NYAP2: variants seen among roughly 807,000 people sequenced by gnomAD.
NYAP2 encodes the protein neuronal tyrosine-phosphorylated phosphoinositide-3-kinase adaptor 2, also known as neuronal tyrosine-phosphorylated phosphoinositide-3-kinase adapter 2.
A neutral mutation model predicts 50.4 loss-of-function variants in NYAP2; 23 were observed. That is an observed-to-expected ratio of 0.46 (90% CI 0.33 to 0.65). The LOEUF (loss-of-function observed/expected upper bound fraction) is 0.65, where lower values mean the gene tolerates loss of function less well. Among genes scored for constraint, NYAP2 ranks in the 30% least tolerant of loss-of-function variants. The pLI is 0.02. For missense variants in NYAP2, 885 were observed against 861.0 expected (o/e 1.03, Z -0.35); for synonymous variants, 394 against 365.2 (o/e 1.08, Z -0.90).
chr2:225,600,193 T>C (rs553847749), intron 5 of NYAP2, among the ~76,000 whole-genome samples: 1 of 152,170 alleles, frequency 6.6e-6, no homozygotes, highest in African/African-American at 2.4e-5. Flanking sequence ...GATGAAATCA[T>C]AGGGAGTTGA....
intron 3 of NYAP2, among the ~76,000 whole-genome samples, chr2:225,496,856 A>T (rs1193314832): frequency 6.6e-6 from 1 of 152,182 alleles, no homozygotes; most frequent in Non-Finnish European, 1.5e-5. Context: ...TGCAACAAAT[A>T]ATAGATGATA....
chr2:225,684,552 A>G, the NYAP2 span, among the ~76,000 whole-genome samples: 1 of 150,938 alleles, frequency 6.6e-6, no homozygotes, highest in Non-Finnish European at 1.5e-5. Flanking sequence ...TCTTAAATAT[A>G]GTTTTTTTGT....
At chr2:225,634,689 C>T (rs1345245620) in intron 6 of NYAP2, among the ~76,000 whole-genome samples, 1 of 152,194 alleles carries the variant, frequency 6.6e-6, no homozygotes, top group East Asian at 1.9e-4. Context: ...TTTAAATCCT[C>T]ATTCTATTTT....
At chr2:225,679,500 T>G in the NYAP2 span, among the ~76,000 whole-genome samples, 3 of 146,478 alleles carry the variant, frequency 2.0e-5, no homozygotes, top group African/African-American at 7.6e-5. Context: ...ATTGTTTTTT[T>G]TTTTTTTTTT....
rs1249831489 is a variant in NYAP2 at position 225,440,409 on chromosome 2, C to T, written c.221+31308C>T. Among the ~76,000 whole-genome samples the T allele has an allele frequency of 3.3e-5, 5 of 152,166 alleles. No homozygotes were observed. In the East Asian group the frequency reaches 9.6e-4, roughly 29 times the overall value. On this transcript the variant is annotated intron_variant, in intron 3 of 6. Coordinates refer to ENST00000636099, the Ensembl canonical transcript of NYAP2. The stretch of plus-strand genomic sequence containing the variant: ...AATTTAGGGTGAAGCATGTATAAGA[C>T]CTTTGGGATATGACGGTTTGTGTTC...
chr2:225,403,355 A>T (rs1482898258), intron 2 of NYAP2, among the ~76,000 whole-genome samples: 2 of 152,022 alleles, frequency 1.3e-5, no homozygotes, highest in African/African-American at 4.8e-5. Flanking sequence ...CACAAATGTG[A>T]AGTACAATAA....
intron 4 of NYAP2, among the ~76,000 whole-genome samples, chr2:225,543,450 C>A (rs1343105861): frequency 6.6e-6 from 1 of 151,748 alleles, no homozygotes; most frequent in Non-Finnish European, 1.5e-5. Flanking sequence ...TTGGTATGTT[C>A]TTTCCATTTT....
chr2:225,431,037 T>G (rs976469650), intron 3 of NYAP2, among the ~76,000 whole-genome samples: 3 of 152,354 alleles, frequency 2.0e-5, no homozygotes, highest in African/African-American at 4.8e-5. Flanking sequence ...TGTTCACATA[T>G]TCTCCAAATT....
chr2:225,431,757 T>C (rs997908065), intron 3 of NYAP2, among the ~76,000 whole-genome samples: 2 of 152,320 alleles, frequency 1.3e-5, no homozygotes, highest in African/African-American at 4.8e-5. Flanking sequence ...ATTTATGCAT[T>C]AAGAAGTCCA....
At chr2:225,483,929 T>C (rs966910054) in intron 3 of NYAP2, among the ~76,000 whole-genome samples, 1 of 152,224 alleles carries the variant, frequency 6.6e-6, no homozygotes, top group Admixed American at 6.5e-5. Flanking sequence ...TAAAATTTAC[T>C]TTAAAATTTT....
chr2:225,672,115 C>A, the NYAP2 span, among the ~76,000 whole-genome samples: 3 of 152,202 alleles, frequency 2.0e-5, no homozygotes, highest in Admixed American at 6.5e-5. Context: ...TAACTCCTAA[C>A]AAGAGAGTCA....
the NYAP2 span, among the ~76,000 whole-genome samples, chr2:225,693,675 GGAA>G: frequency 5.9e-5 from 9 of 152,098 alleles, no homozygotes; most frequent in East Asian, 1.7e-3. Flanking sequence ...CTGAAGGGGT[GGAA>G]GAGCTCTCTT....
chr2:225,635,630 G>A (rs1430467832), intron 6 of NYAP2, among the ~76,000 whole-genome samples: 1 of 152,176 alleles, frequency 6.6e-6, no homozygotes, highest in Non-Finnish European at 1.5e-5. Context: ...AAGTGGTTAT[G>A]AGACTACTAT....
chr2:225,590,729 G>C (rs1256709850), intron 5 of NYAP2, among the ~76,000 whole-genome samples: 1 of 152,164 alleles, frequency 6.6e-6, no homozygotes, highest in East Asian at 1.9e-4. Flanking sequence ...TCCTTTCCTT[G>C]ACTAAGTTAC....
At chr2:225,639,199 C>A (rs1293162284) in intron 6 of NYAP2, among the ~76,000 whole-genome samples, 3 of 152,046 alleles carry the variant, frequency 2.0e-5, no homozygotes, top group Non-Finnish European at 4.4e-5. Flanking sequence ...CATATAAGAT[C>A]CTGTATGTTC....
chr2:225,478,678 A>T (rs1324203961), intron 3 of NYAP2, among the ~76,000 whole-genome samples: 1 of 152,182 alleles, frequency 6.6e-6, no homozygotes, highest in East Asian at 1.9e-4. Context: ...TGTGGAAAAA[A>T]CAAAATTGAT....
intron 4 of NYAP2, among the ~76,000 whole-genome samples, chr2:225,565,844 T>C (rs982126774): frequency 6.6e-6 from 1 of 152,200 alleles, no homozygotes; most frequent in Admixed American, 6.5e-5. Context: ...TAAATTGGGA[T>C]TCAAATTCAG....
At chr2:225,601,070 A>G (rs1692682393) in intron 5 of NYAP2, among the ~76,000 whole-genome samples, 1 of 152,108 alleles carries the variant, frequency 6.6e-6, no homozygotes, top group African/African-American at 2.4e-5. Flanking sequence ...TATTCTTTAG[A>G]AATACCCAGA....
intron 6 of NYAP2, among the ~76,000 whole-genome samples, chr2:225,641,999 A>G (rs977848736): frequency 1.3e-5 from 2 of 152,164 alleles, no homozygotes. Context: ...TAAATGCTTA[A>G]TGAGTCCTTA....
Sources: gnomAD v4.1 joint callset for allele counts (sites outside exome capture counted in the v4.1 genomes callset) on GRCh38, gnomAD v4.1.1 for gene constraint, MANE v1.5 for transcripts, NCBI Gene and HGNC (gene_info 2026-07-23, HGNC 2026-07-21) for gene names.